The following DLG2 variants were observed in gnomAD, a reference collection of about 807,000 sequenced individuals.
The protein encoded by DLG2 is discs large MAGUK scaffold protein 2, also known as disks large homolog 2.
DLG2 carries 45 observed loss-of-function variants against 132.5 expected under a neutral mutation model. That is an observed-to-expected ratio of 0.34 (90% CI 0.27 to 0.44). The LOEUF (loss-of-function observed/expected upper bound fraction) is 0.44. Ranked by LOEUF, DLG2 falls within the 20% of genes least tolerant of loss-of-function variation. DLG2 has a pLI of 1.00. For missense variants in DLG2, 1,045 were observed against 1,196.9 expected (o/e 0.87, Z 1.87); for synonymous variants, 424 against 419.6 (o/e 1.01, Z -0.13).
intron 15 of DLG2, among the ~76,000 whole-genome samples, chr11:83,918,319 T>G (rs1189618019): frequency 6.6e-6 from 1 of 152,152 alleles, no homozygotes; most frequent in Non-Finnish European, 1.5e-5. Context: ...GATCGGAGGT[T>G]CATAGGTGCT....
At chr11:83,909,200 T>C (rs924814589) in intron 15 of DLG2, among the ~76,000 whole-genome samples, 1 of 152,214 alleles carries the variant, frequency 6.6e-6, no homozygotes, top group African/African-American at 2.4e-5. Context: ...CTTGTTCTAG[T>C]AGGGCATTTA....
chr11:83,756,246 A>T (rs2093638877), intron 18 of DLG2, among the ~76,000 whole-genome samples: 1 of 151,244 alleles, frequency 6.6e-6, no homozygotes, highest in Non-Finnish European at 1.5e-5. Flanking sequence ...TGCTTTTAGA[A>T]CCACCTGGGC....
At chr11:85,317,582 A>G (rs1328192677) in intron 3 of DLG2, among the ~76,000 whole-genome samples, 7 of 151,954 alleles carry the variant, frequency 4.6e-5, no homozygotes, top group Admixed American at 4.6e-4. Flanking sequence ...TGCTATGAGA[A>G]TAGTCTTTTG....
At chr11:84,378,324 G>A (rs1182648844) in intron 7 of DLG2, among the ~76,000 whole-genome samples, 1 of 152,058 alleles carries the variant, frequency 6.6e-6, no homozygotes, top group African/African-American at 2.4e-5. Flanking sequence ...CAGTGAGAAG[G>A]CAGCCATATA....
At chr11:84,913,109 G>T (rs2092221594) in intron 6 of DLG2, among the ~76,000 whole-genome samples, 1 of 152,138 alleles carries the variant, frequency 6.6e-6, no homozygotes, top group African/African-American at 2.4e-5. Flanking sequence ...GCTCTCCATG[G>T]TCTCTGGAGA....
intron 18 of DLG2, among the ~76,000 whole-genome samples, chr11:83,654,504 A>G (rs1364492939): frequency 6.6e-6 from 1 of 152,170 alleles, no homozygotes; most frequent in Non-Finnish European, 1.5e-5. Flanking sequence ...CAGAACAATT[A>G]CCATTTTCTC....
chr11:85,193,646 TTG>T (rs1480276594), intron 4 of DLG2, among the ~76,000 whole-genome samples: 1 of 152,242 alleles, frequency 6.6e-6, no homozygotes, highest in Non-Finnish European at 1.5e-5. Context: ...GATCATCTTT[TTG>T]TGTGTTTTAG....
At chr11:85,597,482 C>T (rs2079850546) in intron 3 of DLG2, among the ~76,000 whole-genome samples, 1 of 151,614 alleles carries the variant, frequency 6.6e-6, no homozygotes, top group Admixed American at 6.6e-5. Flanking sequence ...TATTTAATAC[C>T]AGCTAAGATG....
At chr11:84,399,507 C>G (rs754752807) in intron 7 of DLG2, among the ~76,000 whole-genome samples, 1 of 152,138 alleles carries the variant, frequency 6.6e-6, no homozygotes, top group Admixed American at 6.6e-5. Context: ...CTCACTGCAA[C>G]CTCTGCCTCC....
chr11:84,005,331 A>G (rs765009872), intron 11 of DLG2, among the ~76,000 whole-genome samples: 2 of 151,832 alleles, frequency 1.3e-5, no homozygotes, highest in Non-Finnish European at 2.9e-5. Context: ...CTATCTGATC[A>G]TATACAAAAA....
intron 6 of DLG2, among the ~76,000 whole-genome samples, chr11:84,876,827 T>C (rs1302506776): frequency 6.6e-6 from 1 of 152,224 alleles, no homozygotes; most frequent in Non-Finnish European, 1.5e-5. Context: ...TTTAGTGCTA[T>C]CAATTTCCCT....
chr11:83,526,065 C>T (rs2095601768), intron 21 of DLG2, among the ~76,000 whole-genome samples: 2 of 152,256 alleles, frequency 1.3e-5, no homozygotes, highest in Non-Finnish European at 2.9e-5. Context: ...TTCTCAATGC[C>T]AGCTGCAGTT....
chr11:84,424,017 C>T (rs1328466092), intron 7 of DLG2, among the ~76,000 whole-genome samples: 1 of 152,092 alleles, frequency 6.6e-6, no homozygotes, highest in Admixed American at 6.5e-5. Context: ...AGAACTGGTG[C>T]TTTAGGGAGA....
intron 3 of DLG2, among the ~76,000 whole-genome samples, chr11:85,467,438 C>T (rs2092828896): frequency 1.3e-5 from 2 of 152,142 alleles, no homozygotes; most frequent in African/African-American, 4.8e-5. Flanking sequence ...ATGATACTGG[C>T]TGTGGGTTTG....
intron 7 of DLG2, among the ~76,000 whole-genome samples, chr11:84,349,906 G>A (rs535370510): frequency 3.3e-5 from 5 of 152,046 alleles, no homozygotes; most frequent in Middle Eastern, 3.4e-3. Context: ...GGCCGGGCGC[G>A]GTGGCTCACG....
At chr11:83,763,791 C>G (rs905120875) in intron 18 of DLG2, among the ~76,000 whole-genome samples, 2 of 152,200 alleles carry the variant, frequency 1.3e-5, no homozygotes, top group Non-Finnish European at 1.5e-5. Context: ...CCATATCCCA[C>G]TCTTTATTTT....
intron 15 of DLG2, among the ~76,000 whole-genome samples, chr11:83,877,215 G>T (rs2064992809): frequency 6.6e-6 from 1 of 152,092 alleles, no homozygotes; most frequent in Admixed American, 6.6e-5. Flanking sequence ...CAATTTAATA[G>T]ATGAAGAATG....
At chr11:83,500,521 A>G (rs2094407317) in intron 21 of DLG2, among the ~76,000 whole-genome samples, 1 of 152,132 alleles carries the variant, frequency 6.6e-6, no homozygotes, top group Non-Finnish European at 1.5e-5. Context: ...TGCCTTGCAA[A>G]CATCAAACTT....
chr11:85,494,625 G>C (rs1161004221), intron 3 of DLG2, among the ~76,000 whole-genome samples: 1 of 151,182 alleles, frequency 6.6e-6, no homozygotes, highest in South Asian at 2.1e-4. Context: ...AAATACTCTT[G>C]GAAAATGCCT....
Sources: allele counts gnomAD v4.1 joint callset (sites outside exome capture counted in the v4.1 genomes callset), GRCh38; gene constraint gnomAD v4.1.1; transcripts MANE v1.5; gene names NCBI Gene and HGNC (gene_info 2026-07-23, HGNC 2026-07-21).